The following RNF13 variants were observed in gnomAD, a reference collection of about 807,000 sequenced individuals.
RNF13 encodes E3 ubiquitin-protein ligase RNF13.
Under a neutral mutation model 37.7 loss-of-function variants are expected in RNF13, and 19 were observed. That is an observed-to-expected ratio of 0.50 (90% CI 0.35 to 0.74). The LOEUF (loss-of-function observed/expected upper bound fraction) is 0.74. Ranked by LOEUF, RNF13 falls within the 30% of genes least tolerant of loss-of-function variation. RNF13 has a pLI of 0.01. For synonymous variants in RNF13, 144 were observed against 157.8 expected, an observed-to-expected ratio of 0.91 and a Z score of 0.65; for missense variants, 375 against 453.0, an observed-to-expected ratio of 0.83 and a Z score of 1.56.
At chr3:149,921,384 G>A (rs962191701) in intron 8 of RNF13, among the ~76,000 whole-genome samples, 157 bp downstream of exon 8, 2 of 152,144 alleles carry the variant, frequency 1.3e-5, no homozygotes, top group Non-Finnish European at 2.9e-5. Context: ...CATGTGCCAT[G>A]TTGGTTTGCT....
At chr3:149,843,871 G>T (rs913563367) in intron 1 of RNF13, among the ~76,000 whole-genome samples, 8 of 152,224 alleles carry the variant, frequency 5.3e-5, no homozygotes, top group Non-Finnish European at 8.8e-5. Flanking sequence ...AGGGAGGTTA[G>T]GATTAAGTGA....
At chr3:149,826,571 A>C (rs3772200) in intron 1 of RNF13, among the ~76,000 whole-genome samples, 22,150 of 152,228 alleles carry the variant, frequency 0.15, 1,869 homozygotes, top group East Asian at 0.23. Flanking sequence ...CAAGTAGAAC[A>C]GATTTCTCTT....
intron 1 of RNF13, among the ~76,000 whole-genome samples, chr3:149,832,757 T>A (rs1721190574): frequency 6.6e-6 from 1 of 152,216 alleles, no homozygotes; most frequent in Non-Finnish European, 1.5e-5. Flanking sequence ...TAAACAATTT[T>A]ATGCCAAGAA....
chr3:149,826,005 A>G (rs981309841), intron 1 of RNF13, among the ~76,000 whole-genome samples: 1 of 152,134 alleles, frequency 6.6e-6, no homozygotes, highest in Non-Finnish European at 1.5e-5. Flanking sequence ...ATAATCATTT[A>G]TATTGAATAC....
chr3:149,896,332 AAGCTAT>A (rs1715261632), intron 5 of RNF13, among the ~76,000 whole-genome samples: 1 of 152,190 alleles, frequency 6.6e-6, no homozygotes, highest in South Asian at 2.1e-4. Flanking sequence ...TATAGACATA[AAGCTAT>A]AGACTGATAG....
At chr3:149,959,798 T>C (rs539212924) in intron 8 of RNF13, among the ~76,000 whole-genome samples, 3 of 152,392 alleles carry the variant, frequency 2.0e-5, no homozygotes, top group Admixed American at 6.5e-5. Context: ...AGAACACTGA[T>C]GTAATTATGA....
At chr3:149,841,587 A>G (rs59047452) in intron 1 of RNF13, among the ~76,000 whole-genome samples, 4,541 of 152,184 alleles carry the variant, frequency 0.03, 80 homozygotes, top group South Asian at 0.037. Context: ...AGAGTATGAG[A>G]AAGTAAAATT....
chr3:149,840,614 A>G (rs762946482), intron 1 of RNF13, among the ~76,000 whole-genome samples: 1 of 152,172 alleles, frequency 6.6e-6, no homozygotes, highest in Non-Finnish European at 1.5e-5. Flanking sequence ...TGGTCCATGC[A>G]GAGACTCCAA....
At chr3:149,890,909 T>C (rs1714628776) in intron 4 of RNF13, among the ~76,000 whole-genome samples, 1 of 152,226 alleles carries the variant, frequency 6.6e-6, no homozygotes, top group African/African-American at 2.4e-5. Context: ...TAAGTTTCTA[T>C]CAGCTCTTCA....
chr3:149,878,783 A>G (rs1713043080), intron 4 of RNF13, among the ~76,000 whole-genome samples: 1 of 152,106 alleles, frequency 6.6e-6, no homozygotes, highest in South Asian at 2.1e-4. Flanking sequence ...TTCTTCCCTT[A>G]TAGAATAAGT....
chr3:149,933,578 C>A (rs1320301828), intron 8 of RNF13, among the ~76,000 whole-genome samples: 1 of 143,172 alleles, frequency 7.0e-6, no homozygotes, highest in Non-Finnish European at 1.5e-5. Context: ...AGTTTCTTTT[C>A]TTTCTTCTTT....
intron 8 of RNF13, among the ~76,000 whole-genome samples, chr3:149,938,341 C>T (rs1719912287): frequency 6.6e-6 from 1 of 151,718 alleles, no homozygotes; most frequent in South Asian, 2.1e-4. Context: ...CCATGCCCGG[C>T]TAATTTTTGT....
intron 1 of RNF13, among the ~76,000 whole-genome samples, chr3:149,824,019 C>T (rs1005704209): frequency 2.0e-5 from 3 of 151,946 alleles, no homozygotes; most frequent in African/African-American, 7.3e-5. Flanking sequence ...AATCTTGTGC[C>T]AGAAAACAAG....
intron 1 of RNF13, among the ~76,000 whole-genome samples, chr3:149,820,117 C>G (rs1033140060): frequency 1.3e-5 from 2 of 152,108 alleles, no homozygotes; most frequent in Non-Finnish European, 2.9e-5. Context: ...TCTTGGTCAG[C>G]TACAAGAATT....
Position 149,939,795 on chromosome 3 carries a change from C to A in RNF13, c.700+18568C>A, listed in dbSNP as rs1037463753. On this transcript the variant is annotated intron_variant, in intron 8 of 9. Transcript: ENST00000392894. The stretch of plus-strand genomic sequence containing the variant: ...TCATGTCCATGTCCATCAAATCTTC[C>A]ATGGGGTGGTGACACGCACTTAGGT... 1.4e-5 allele frequency: 8 copies of A among 582,296 alleles called. No individual in the cohort carries two copies. The African/African-American group carries it at 1.5e-4, about 11-fold the overall frequency. 36.1% of individuals were successfully genotyped at this position (582,296 alleles called of 1,614,324 possible).
intron 4 of RNF13, among the ~76,000 whole-genome samples, chr3:149,875,803 T>C (rs562123236): frequency 1.7e-4 from 19 of 111,080 alleles, no homozygotes; most frequent in African/African-American, 5.6e-4. Flanking sequence ...TACACTGTTT[T>C]ACAAAAACTG....
At chr3:149,825,944 C>A (rs1720460441) in intron 1 of RNF13, among the ~76,000 whole-genome samples, 1 of 152,112 alleles carries the variant, frequency 6.6e-6, no homozygotes, top group Non-Finnish European at 1.5e-5. Context: ...TCTCTCCTGC[C>A]CCTCCCTACC....
At chr3:149,818,229 G>GA (rs1458913826) in intron 1 of RNF13, among the ~76,000 whole-genome samples, 1 of 152,136 alleles carries the variant, frequency 6.6e-6, no homozygotes, top group Admixed American at 6.5e-5. Flanking sequence ...GTTCTAAAGA[G>GA]AAAAATCCTT....
intron 3 of RNF13, among the ~76,000 whole-genome samples, chr3:149,866,993 T>C (rs1445603341): frequency 6.6e-6 from 1 of 152,198 alleles, no homozygotes; most frequent in Non-Finnish European, 1.5e-5. Context: ...TAATGTCTTT[T>C]CTATAACTGT....
Sources: gnomAD v4.1 joint callset for allele counts (sites outside exome capture counted in the v4.1 genomes callset) on GRCh38, gnomAD v4.1.1 for gene constraint, MANE v1.5 for transcripts, NCBI Gene and HGNC (gene_info 2026-07-23, HGNC 2026-07-21) for gene names.